The following SPARCL1 variants were observed in gnomAD, a reference collection of about 807,000 sequenced individuals.
SPARCL1 encodes SPARC like 1.
In SPARCL1, 52 loss-of-function variants were observed where a neutral mutation model predicts 67.1. The observed-to-expected ratio is 0.78, with a 90% CI of 0.62 to 0.98. SPARCL1 has a LOEUF of 0.98. Among genes scored for constraint, SPARCL1 ranks in the 50% least tolerant of loss-of-function variants. The pLI is 0.00. For synonymous variants in SPARCL1, 226 were observed against 267.8 expected, an observed-to-expected ratio of 0.84 and a Z score of 1.52; for missense variants, 717 against 782.4, an observed-to-expected ratio of 0.92 and a Z score of 1.00.
chr4:87,491,763 G>T, intron 4 of SPARCL1, 73 bp from the exon 5 acceptor site: 1 of 1,048,908 alleles, frequency 9.5e-7, no homozygotes, highest in Non-Finnish European at 1.5e-6. Context: ...TTTCCACTGT[G>T]CATACTTTCA....
chr4:87,482,608 C>A, intron 7 of SPARCL1, 48 bp from the exon 8 acceptor site: 5 of 1,606,876 alleles, frequency 3.1e-6, no homozygotes, highest in Non-Finnish European at 4.3e-6. Flanking sequence ...TATTTGTGTC[C>A]TATGGCAAGT....
intron 1 of SPARCL1, among the ~76,000 whole-genome samples, chr4:87,512,404 ATG>A (rs1490181037): frequency 2.0e-5 from 3 of 152,160 alleles, no homozygotes; most frequent in Non-Finnish European, 4.4e-5. Flanking sequence ...TTTCCCTATG[ATG>A]TGGGCCTTAA....
chr4:87,487,682 G>T (rs1724132072), intron 7 of SPARCL1, among the ~76,000 whole-genome samples: 4 of 152,214 alleles, frequency 2.6e-5, no homozygotes, highest in Admixed American at 2.6e-4. Context: ...ATATCCTGAA[G>T]AGTGTTTTCC....
At chr4:87,520,362 A>G (rs915917506) in intron 1 of SPARCL1, among the ~76,000 whole-genome samples, 3 of 151,824 alleles carry the variant, frequency 2.0e-5, no homozygotes, top group Non-Finnish European at 2.9e-5. Flanking sequence ...AAGAAAAGTC[A>G]TCTTGCCGGA....
At chr4:87,509,017 T>C (rs1475037540) in intron 1 of SPARCL1, among the ~76,000 whole-genome samples, 1 of 148,192 alleles carries the variant, frequency 6.7e-6, no homozygotes, top group Non-Finnish European at 1.5e-5. Flanking sequence ...TATATACTTA[T>C]ATACATGTAT....
intron 1 of SPARCL1, among the ~76,000 whole-genome samples, chr4:87,504,185 T>TGGTGGG (rs1724980565): frequency 5.2e-5 from 1 of 19,066 alleles, no homozygotes; most frequent in Non-Finnish European, 8.6e-5. Context: ...GTGTGTGTGG[T>TGGTGGG]GGGGTGGGGG....
intron 4 of SPARCL1, among the ~76,000 whole-genome samples, chr4:87,492,959 G>A (rs1433658808): frequency 6.6e-6 from 1 of 152,202 alleles, no homozygotes; most frequent in Non-Finnish European, 1.5e-5. Context: ...TGTTATGTCA[G>A]AGACATTTTG....
chr4:87,527,155 G>A (rs1726078117), intron 1 of SPARCL1, among the ~76,000 whole-genome samples: 1 of 152,170 alleles, frequency 6.6e-6, no homozygotes, highest in African/African-American at 2.4e-5. Context: ...ATCTTTTGAT[G>A]ACTAAGACAA....
rs568953903 is a variant in SPARCL1, at chr4:87,501,113, C to A, written c.-11-1528G>T. Among the ~76,000 whole-genome samples, 3 of 152,258 alleles carry A rather than the reference C, an allele frequency of 2.0e-5. No individual in the cohort carries two copies. In the South Asian group the frequency reaches 6.2e-4, roughly 32 times the overall value. ...AATATGGTAACAACAATAACAACAA[C>A]AGAGCTACATCAACAACCCCGTAAG... On this transcript the variant is annotated intron_variant, in intron 1 of 10. Transcript: ENST00000282470.
chr4:87,491,618 C>A lies in SPARCL1; in HGVS notation c.1291G>T (p.Asp431Tyr). Residue 431 changes from aspartate (D) to tyrosine (Y), a missense_variant and splice_region_variant, in exon 5 of 11, where the codon GAT becomes TAT. Transcript: ENST00000282470. Reference protein sequence around the residue: ...SEGNMRVHAVDSCMSFQCKRG... With the variant: ...SEGNMRVHAVYSCMSFQCKRG... ...AACAGCTTGCTTCATGCATACTCAC[C>A]CACAGCATGCACCCTCATGTTGCCT... 1.9e-6 allele frequency: 3 copies of A among 1,608,638 alleles called. No individual in the cohort carries two copies. The highest frequency in any genetic ancestry group is 2.6e-6 in the Non-Finnish European group (3 of 1,175,188).
chr4:87,494,067 C>A lies in SPARCL1; in HGVS notation c.733G>T (p.Glu245Ter), dbSNP rs756567173. The change falls in exon 4 of 11, where the codon GAA becomes TAA. Residue 245 changes from glutamate (E) to a stop codon, truncating the protein, a stop_gained. Transcript: ENST00000282470. LOFTEE classifies it high-confidence loss of function. ...ACTTGAGTTGGTTGATCAGACTCTTCCAAAATATCATCAGATTGGGTATTG... is the reference window on the plus strand; with the variant it reads ...ACTTGAGTTGGTTGATCAGACTCTTACAAAATATCATCAGATTGGGTATTG... ...EDNTQSDDIL[E>*]ESDQPTQVSK... 6.2e-7 allele frequency: 1 copy of A among 1,614,036 alleles called. No homozygotes were observed. Among genetic ancestry groups the A allele is most frequent in the Non-Finnish European group, 8.5e-7 (1 of 1,180,010 alleles).
intron 2 of SPARCL1, among the ~76,000 whole-genome samples, chr4:87,495,400 G>A (rs1190761547): frequency 1.3e-5 from 2 of 152,154 alleles, no homozygotes; most frequent in African/African-American, 4.8e-5. Flanking sequence ...GTAACTTTGA[G>A]TTTTGAAATT....
intron 1 of SPARCL1, chr4:87,528,419 A>G (rs2110275045): frequency 6.6e-6 from 1 of 152,336 alleles, no homozygotes; most frequent in Middle Eastern, 3.4e-3. Context: ...ATGTGTGAGC[A>G]TCTTAACAAA....
intron 2 of SPARCL1, 93 bp from the exon 3 acceptor site, chr4:87,495,220 A>G (rs533881609): frequency 4.0e-6 from 4 of 1,008,142 alleles, no homozygotes; most frequent in Admixed American, 2.4e-5. Flanking sequence ...TATTAGTAGC[A>G]ATATACTTCA....
At chr4:87,525,922 T>C (rs957680277) in intron 1 of SPARCL1, among the ~76,000 whole-genome samples, 1 of 150,526 alleles carries the variant, frequency 6.6e-6, no homozygotes, top group African/African-American at 2.5e-5. Flanking sequence ...GGGGAGAGGT[T>C]TACAAAAACA....
rs764554828 is a variant in SPARCL1, at chr4:87,495,030, TCTTCAG to T, written c.146_151del (p.Ala49_Glu50del). ...GGATACTGCTGTTTCTTTTTCATTT[TCTTCAG>T]CTTCAGCCCTTAAACTGGGGATTGC... On this transcript the variant is annotated inframe_deletion, in exon 3 of 11. Transcript: ENST00000282470. 6.2e-7 allele frequency: 1 copy of T among 1,612,998 alleles called. No individual in the cohort carries two copies. The highest frequency in any genetic ancestry group is 8.5e-7 in the Non-Finnish European group (1 of 1,179,650).
chr4:87,527,725 T>G (rs1363310071), intron 1 of SPARCL1, among the ~76,000 whole-genome samples: 1 of 152,178 alleles, frequency 6.6e-6, no homozygotes, highest in Non-Finnish European at 1.5e-5. Context: ...ATAAATAACA[T>G]GTGAATATTC....
At chr4:87,490,650 T>G in intron 6 of SPARCL1, 110 bp downstream of exon 6, 1 of 795,908 alleles carries the variant, frequency 1.3e-6, no homozygotes, top group South Asian at 1.9e-5. Context: ...AATAACCAAA[T>G]GATAACCTAG....
chr4:87,485,592 G>C (rs1274332187), intron 7 of SPARCL1, among the ~76,000 whole-genome samples: 3 of 141,568 alleles, frequency 2.1e-5, no homozygotes, highest in African/African-American at 5.0e-5. Flanking sequence ...AATGAGCTAG[G>C]GAGGAGTCCC....
Sources: allele counts gnomAD v4.1 joint callset (sites outside exome capture counted in the v4.1 genomes callset), GRCh38; gene constraint gnomAD v4.1.1; transcripts MANE v1.5; gene names NCBI Gene and HGNC (gene_info 2026-07-23, HGNC 2026-07-21).